NECTIN1: variants seen among roughly 807,000 people sequenced by gnomAD.
NECTIN1 encodes the protein nectin-1.
Under a neutral mutation model 48.0 loss-of-function variants are expected in NECTIN1, and 23 were observed. The observed-to-expected ratio is 0.48, with a 90% CI of 0.34 to 0.68. The LOEUF (loss-of-function observed/expected upper bound fraction) is 0.68, where lower values mean the gene tolerates loss of function less well. Among genes scored for constraint, NECTIN1 ranks in the 30% least tolerant of loss-of-function variants. The pLI, the probability that NECTIN1 is intolerant of heterozygous loss-of-function variation, is 0.01. For synonymous variants in NECTIN1, 270 were observed against 288.9 expected (o/e 0.93, Z 0.66); for missense variants, 591 against 709.9 (o/e 0.83, Z 1.90).
Position 119,663,047 on chromosome 11 carries a change from C to A in NECTIN1, c.*1700G>T, listed in dbSNP as rs2135540902. On this transcript the variant is annotated 3_prime_UTR_variant, in exon 6 of 6. Transcript: ENST00000264025. ...GGGAGGGGAGGGGTTGGGGGGCTCC[C>A]TTAGGAAGCCTATGGCAGGGTGGGT... The A allele has an allele frequency of 1.0e-6, 1 of 984,106 alleles. No homozygotes were observed. The highest frequency in any genetic ancestry group is 1.8e-5 in the African/African-American group (1 of 56,826). 61.0% of individuals were successfully genotyped at this position (984,106 alleles called of 1,614,324 possible).
At chr11:119,645,642 C>A (rs1396141893) in intron 5 of NECTIN1, among the ~76,000 whole-genome samples, 1 of 152,196 alleles carries the variant, frequency 6.6e-6, no homozygotes, top group African/African-American at 2.4e-5. Context: ...ACATGCCTTG[C>A]TGGGTGTTTC....
intron 1 of NECTIN1, among the ~76,000 whole-genome samples, chr11:119,703,345 G>A (rs374673030): frequency 1.3e-5 from 2 of 152,210 alleles, no homozygotes; most frequent in East Asian, 1.9e-4. Context: ...GGCACCAACG[G>A]GACAGATAAA....
Position 119,663,556 on chromosome 11 carries a change from C to T in NECTIN1, c.*1191G>A, listed in dbSNP as rs545543714. 2.0e-6 allele frequency: 2 copies of T among 985,502 alleles called. No individual in the cohort carries two copies. Among genetic ancestry groups the T allele is most frequent in the African/African-American group, 3.5e-5 (2 of 57,336 alleles). The allele number at this position is 985,502 out of a possible 1,614,324, so 61.0% of individuals were successfully genotyped here. On this transcript the variant is annotated 3_prime_UTR_variant, in exon 6 of 6. Transcript: ENST00000264025. ...TTGTGTGTGAGGCATTGTATGGACTCCTCAGTCCCTCGGACTGTGTTTGCA... is the reference window on the plus strand; with the variant it reads ...TTGTGTGTGAGGCATTGTATGGACTTCTCAGTCCCTCGGACTGTGTTTGCA...
chr11:119,638,860 C>G, intron 6 of NECTIN1: 1 of 1,478,182 alleles, frequency 6.8e-7, no homozygotes, highest in Non-Finnish European at 9.4e-7. Flanking sequence ...GGGGCTCTCC[C>G]CATCAGGCCA....
chr11:119,677,456 A>T lies in NECTIN1; in HGVS notation c.733+99T>A. ...TAGGGGAGACAGGAGGGGAGAAGAA[A>T]GCACCCCCAGAAAGAGAAAGGGAGG... is the stretch of plus-strand genomic sequence containing the variant. On this transcript the variant is annotated intron_variant, in intron 3 of 5. Coordinates refer to ENST00000264025, the MANE Select transcript of NECTIN1 (RefSeq NM_002855.5). This position sits in a 1 kb window ranked among gnomAD's most constrained non-coding sequence, Gnocchi z 5.4. The T allele has an allele frequency of 7.3e-7, 1 of 1,379,130 alleles. No homozygotes were observed. Among genetic ancestry groups the T allele is most frequent in the Non-Finnish European group, 1.0e-6 (1 of 973,178 alleles). 85.4% of individuals were successfully genotyped at this position (1,379,130 alleles called of 1,614,324 possible).
rs551421072 is a variant in NECTIN1, at chr11:119,671,557, G to T, written c.1003+3602C>A. Among the ~76,000 whole-genome samples, 9 of 152,288 alleles carry T rather than the reference G, an allele frequency of 5.9e-5. No individual in the cohort carries two copies. In the South Asian group the frequency reaches 6.2e-4, roughly 11 times the overall value. On this transcript the variant is annotated intron_variant, in intron 5 of 5. Transcript: ENST00000264025. ...TACAGTCTGGATCTAGGATCTGGAG[G>T]TTTGGGGTCAAAGAGAATGTTTGGG...
chr11:119,692,019 C>T (rs1591469395), intron 1 of NECTIN1, among the ~76,000 whole-genome samples: 2 of 152,194 alleles, frequency 1.3e-5, no homozygotes, highest in South Asian at 2.1e-4. Flanking sequence ...AGGTAGAAGC[C>T]CTGAGCCTGG....
chr11:119,704,642 C>T (rs957751088), intron 1 of NECTIN1, among the ~76,000 whole-genome samples: 4 of 152,172 alleles, frequency 2.6e-5, no homozygotes, highest in Non-Finnish European at 5.9e-5. Context: ...CAGCTTCTAC[C>T]GCCCCATCTG....
rs1205587092 is a variant in NECTIN1 at position 119,648,982 on chromosome 11, C to T, written c.1004-8970G>A. On this transcript the variant is annotated intron_variant, in intron 5 of 7. Coordinates refer to the NECTIN1 transcript ENST00000341398. ...ACAGCACTAGAGTAGACGAGTGGGA[C>T]TCCTGCCTCACTGGCACTGTGTGCA... Among the ~76,000 whole-genome samples, 6 of 152,200 alleles carry T rather than the reference C, an allele frequency of 3.9e-5. 1 individual carries two copies. The South Asian group carries it at 1.2e-3, about 32-fold the overall frequency.
chr11:119,675,916 G>T (rs780727173), intron 4 of NECTIN1, among the ~76,000 whole-genome samples: 5 of 151,842 alleles, frequency 3.3e-5, no homozygotes, highest in Non-Finnish European at 7.4e-5. Context: ...TGAGGCAGAA[G>T]AACTGCTTGA....
chr11:119,658,623 G>A (rs1418768623), downstream of NECTIN1, among the ~76,000 whole-genome samples: 3 of 152,092 alleles, frequency 2.0e-5, no homozygotes, highest in South Asian at 2.1e-4. Context: ...TTCAAACCAC[G>A]TCAGATAGCA....
In NECTIN1 at chr11:119,684,403, G is replaced by A. The variant is rs985295450; in HGVS notation, c.80-5638C>T. 9.9e-5 allele frequency among the ~76,000 whole-genome samples: 15 copies of A among 152,266 alleles called. No individual in the cohort carries two copies. The highest frequency in any genetic ancestry group is 2.7e-4 in the African/African-American group (11 of 41,478). On this transcript the variant is annotated intron_variant, in intron 1 of 5. Coordinates refer to ENST00000264025, the MANE Select transcript of NECTIN1 (RefSeq NM_002855.5). The surrounding 1 kb of genome is among the most constrained non-coding windows in gnomAD (Gnocchi z 5.2). Reference sequence around the variant, plus strand: ...AGAGAGGGAGTGGGTCTGTGTGCACGTGTGTGTCTGAGGTGGGTGCTGGGC... The same window carrying A: ...AGAGAGGGAGTGGGTCTGTGTGCACATGTGTGTCTGAGGTGGGTGCTGGGC...
intron 1 of NECTIN1, among the ~76,000 whole-genome samples, chr11:119,695,210 G>A (rs1001203981): frequency 2.0e-5 from 3 of 151,988 alleles, no homozygotes; most frequent in East Asian, 1.9e-4. Context: ...GTCCCCGGTC[G>A]CTCTCCACTG....
intron 1 of NECTIN1, among the ~76,000 whole-genome samples, chr11:119,712,437 A>G (rs1207457891): frequency 1.3e-5 from 2 of 149,930 alleles, no homozygotes; most frequent in Non-Finnish European, 3.0e-5. Flanking sequence ...ATCACTTGGG[A>G]GACAGGGGCC....
rs373835221 is a variant in NECTIN1 at position 119,665,185 on chromosome 11, G to A, written c.1116C>T (p.Gly372=). The A allele has an allele frequency of 8.1e-6, 13 of 1,609,580 alleles. No individual in the cohort carries two copies. Among genetic ancestry groups the A allele is most frequent in the Non-Finnish European group, 1.0e-5 (12 of 1,179,914 alleles). ...GSILLVLIVV[G]GIVVALRRRR... is the part of the protein sequence containing the mutation. ...GCCGACGCAGGGCGACCACGATCCC[G>A]CCGACCACAATCAACACCAGCAGGA... Residue 372 remains glycine (G), a synonymous_variant, in exon 6 of 6, where the codon GGC becomes GGT. Transcript: ENST00000264025. The surrounding 1 kb of genome is among the most constrained non-coding windows in gnomAD (Gnocchi z 5.1).
intron 5 of NECTIN1, among the ~76,000 whole-genome samples, chr11:119,671,591 C>T (rs746154889): frequency 4.6e-5 from 7 of 152,104 alleles, no homozygotes; most frequent in African/African-American, 7.2e-5. Flanking sequence ...GGTTTGCCTC[C>T]GAAACCAATG....
In NECTIN1 at chr11:119,727,019, C is replaced by G. The variant is rs1865918664; in HGVS notation, c.79+1456G>C. Among the ~76,000 whole-genome samples the G allele has an allele frequency of 6.6e-6, 1 of 152,152 alleles. No individual in the cohort carries two copies. Among genetic ancestry groups the G allele is most frequent in the African/African-American group, 2.4e-5 (1 of 41,420 alleles). Reference sequence around the variant, plus strand: ...CTGTGAGCCCTGGATTTTCCCCACCCCCCACATCGAGCAGGGCAGCACCCC... The same window carrying G: ...CTGTGAGCCCTGGATTTTCCCCACCGCCCACATCGAGCAGGGCAGCACCCC... On this transcript the variant is annotated intron_variant, in intron 1 of 5. Coordinates refer to ENST00000264025, the MANE Select transcript of NECTIN1 (RefSeq NM_002855.5). This position sits in a 1 kb window ranked among gnomAD's most constrained non-coding sequence, Gnocchi z 4.1.
chr11:119,661,561 C>T lies in NECTIN1; in HGVS notation c.*3186G>A, dbSNP rs906186320. 7.4e-5 allele frequency: 73 copies of T among 985,768 alleles called. No homozygotes were observed. Among genetic ancestry groups the T allele is most frequent in the Non-Finnish European group, 8.1e-5 (67 of 829,972 alleles). 61.1% of individuals were successfully genotyped at this position (985,768 alleles called of 1,614,324 possible). Reference sequence around the variant, plus strand: ...CCCTCCTCCCAGAAGAGGGGACATCCGTGTCTGCTTGGCTCAGCAGAGCTG... The same window carrying T: ...CCCTCCTCCCAGAAGAGGGGACATCTGTGTCTGCTTGGCTCAGCAGAGCTG... On this transcript the variant is annotated 3_prime_UTR_variant, in exon 6 of 6. Transcript: ENST00000264025.
rs1283881042 is a variant in NECTIN1 at position 119,677,702 on chromosome 11, G to T, written c.586C>A (p.Gln196Lys). 5 of 1,613,990 alleles carry T rather than the reference G, an allele frequency of 3.1e-6. No homozygotes were observed. The highest frequency in any genetic ancestry group is 4.2e-6 in the Non-Finnish European group (5 of 1,180,016). The change falls in exon 3 of 6, where the codon CAG becomes AAG. Residue 196 changes from glutamine (Q) to lysine (K), a missense_variant. Coordinates refer to ENST00000264025, the MANE Select transcript of NECTIN1 (RefSeq NM_002855.5). This position sits in a 1 kb window ranked among gnomAD's most constrained non-coding sequence, Gnocchi z 5.4. ...GTGCCATTGGGGTTCCGGATCTCCT[G>T]GTACTCTGCCTCACCTTTTAACCGA... ...ETRLKGEAEYQEIRNPNGTVT... is the reference protein window; with the variant it reads ...ETRLKGEAEYKEIRNPNGTVT...
Sources: gnomAD v4.1 joint callset for allele counts (sites outside exome capture counted in the v4.1 genomes callset) on GRCh38, gnomAD v4.1.1 for gene constraint, Gnocchi (gnomAD v3.1) non-coding constraint, MANE v1.5 for transcripts, NCBI Gene and HGNC (gene_info 2026-07-23, HGNC 2026-07-21) for gene names.